The following REC114 variants were observed in gnomAD, a reference collection of about 807,000 sequenced individuals.
The protein encoded by REC114 is REC114 meiotic recombination protein, also known as meiotic recombination protein REC114.
In REC114, 27 loss-of-function variants were observed where a neutral mutation model predicts 31.3. The ratio of observed to expected loss-of-function variants is 0.86; its 90% CI spans 0.64 to 1.19. The LOEUF (loss-of-function observed/expected upper bound fraction) is 1.19. REC114 is among the 50% of genes most tolerant of loss of function. REC114 has a pLI of 0.00. For synonymous variants in REC114, 134 were observed against 127.7 expected (o/e 1.05, Z -0.33); for missense variants, 344 against 326.9 (o/e 1.05, Z -0.40).
intron 2 of REC114, among the ~76,000 whole-genome samples, chr15:73,523,263 A>G (rs1337786111): frequency 2.6e-5 from 4 of 152,116 alleles, no homozygotes. Flanking sequence ...CCCTAGAATC[A>G]CAGCAGATTC....
chr15:73,490,773 A>G (rs146659694), intron 2 of REC114, among the ~76,000 whole-genome samples: 367 of 152,314 alleles, frequency 2.4e-3, no homozygotes, highest in Middle Eastern at 0.017. Context: ...TATATAAACC[A>G]TCACAATCAT....
chr15:73,552,965 C>A (rs1284736000), intron 4 of REC114, among the ~76,000 whole-genome samples: 3 of 152,154 alleles, frequency 2.0e-5, no homozygotes, highest in African/African-American at 7.2e-5. Flanking sequence ...CAGACATCCA[C>A]CACCATGCCC....
chr15:73,546,520 A>T (rs957167510), intron 3 of REC114, among the ~76,000 whole-genome samples: 1 of 152,192 alleles, frequency 6.6e-6, no homozygotes, highest in East Asian at 1.9e-4. Flanking sequence ...GTAATGAGGT[A>T]TACTTCTATT....
At chr15:73,484,997 T>C (rs943816042) in intron 2 of REC114, among the ~76,000 whole-genome samples, 1 of 152,206 alleles carries the variant, frequency 6.6e-6, no homozygotes, top group African/African-American at 2.4e-5. Flanking sequence ...AATTAGTTTT[T>C]AAAAATGTCC....
intron 2 of REC114, among the ~76,000 whole-genome samples, chr15:73,492,987 T>G (rs1399494369): frequency 6.6e-6 from 1 of 151,912 alleles, no homozygotes; most frequent in African/African-American, 2.4e-5. Flanking sequence ...TCTGCCATTT[T>G]TTTTACTCTT....
intron 1 of REC114, among the ~76,000 whole-genome samples, chr15:73,447,243 G>A (rs1212505965): frequency 6.6e-6 from 1 of 152,074 alleles, no homozygotes; most frequent in Non-Finnish European, 1.5e-5. Context: ...TAGGTGGTTG[G>A]GTATATTGGT....
chr15:73,508,423 CT>C (rs200021553), intron 2 of REC114, among the ~76,000 whole-genome samples: 4,861 of 122,078 alleles, frequency 0.04, 79 homozygotes, highest in African/African-American at 0.068. Context: ...AGCACAGTTT[CT>C]TTTTTTTTTT....
intron 1 of REC114, among the ~76,000 whole-genome samples, chr15:73,457,425 C>G (rs1041825521): frequency 4.6e-5 from 7 of 152,148 alleles, no homozygotes; most frequent in African/African-American, 9.7e-5. Flanking sequence ...GTACAGGTCT[C>G]TCTTCTCTGG....
intron 1 of REC114, among the ~76,000 whole-genome samples, chr15:73,463,925 G>A (rs1487538453): frequency 6.6e-6 from 1 of 152,106 alleles, no homozygotes; most frequent in Non-Finnish European, 1.5e-5. Context: ...AATTTAATCA[G>A]GATATGTCTA....
At chr15:73,451,852 C>A (rs1253700076) in intron 1 of REC114, among the ~76,000 whole-genome samples, 1 of 152,166 alleles carries the variant, frequency 6.6e-6, no homozygotes, top group African/African-American at 2.4e-5. Context: ...TAAATGTAAT[C>A]CATCACATAA....
At chr15:73,517,617 G>A (rs993175519) in intron 2 of REC114, among the ~76,000 whole-genome samples, 1 of 152,164 alleles carries the variant, frequency 6.6e-6, no homozygotes, top group Non-Finnish European at 1.5e-5. Flanking sequence ...CTTTAGAGAC[G>A]AGCCAGGCCT....
intron 2 of REC114, among the ~76,000 whole-genome samples, chr15:73,509,303 G>A (rs1893729437): frequency 7.1e-6 from 1 of 140,568 alleles, no homozygotes; most frequent in African/African-American, 3.1e-5. Flanking sequence ...TTTTTTTCTT[G>A]TAAATTTGTT....
At chr15:73,532,494 A>G (rs2141325505) in intron 2 of REC114, among the ~76,000 whole-genome samples, 1 of 151,396 alleles carries the variant, frequency 6.6e-6, no homozygotes, top group South Asian at 2.1e-4. Flanking sequence ...CTTTGGGTAT[A>G]TACCCAGTAA....
intron 2 of REC114, among the ~76,000 whole-genome samples, chr15:73,494,090 T>C (rs757892955): frequency 2.0e-4 from 31 of 152,240 alleles, no homozygotes; most frequent in Non-Finnish European, 4.3e-4. Context: ...GCTCTTGGCA[T>C]CTTTCTTCCA....
chr15:73,529,669 T>A (rs1451997215), intron 2 of REC114, among the ~76,000 whole-genome samples: 2 of 152,162 alleles, frequency 1.3e-5, no homozygotes, highest in East Asian at 3.8e-4. Flanking sequence ...AATAAATCAG[T>A]TATTTCAAAA....
chr15:73,497,213 A>G (rs1041137479), intron 2 of REC114, among the ~76,000 whole-genome samples: 9 of 152,154 alleles, frequency 5.9e-5, no homozygotes, highest in African/African-American at 2.2e-4. Context: ...ACTCTTGTCC[A>G]CTAATTTTAG....
In REC114 at chr15:73,517,322, G is replaced by GA. The variant is rs869226310; in HGVS notation, c.250-23155dup. On this transcript the variant is annotated intron_variant, in intron 2 of 5. Transcript: ENST00000331090. ...ATAAAAAAGGTATCTCTCAAACAAA[G>GA]AAAAAAAATTTTTTTAAAAGGTATC... Among the ~76,000 whole-genome samples the GA allele has an allele frequency of 5.3e-5, 8 of 151,932 alleles. 1 individual carries two copies. The highest frequency in any genetic ancestry group is 3.9e-4 in the Admixed American group (6 of 15,264).
At chr15:73,544,515 T>A (rs922988681) in intron 3 of REC114, among the ~76,000 whole-genome samples, 6 of 152,210 alleles carry the variant, frequency 3.9e-5, no homozygotes, top group African/African-American at 9.6e-5. Context: ...TGCCTACTTA[T>A]AAGGTAGGCT....
chr15:73,449,596 C>G (rs992257990), intron 1 of REC114, among the ~76,000 whole-genome samples: 63 of 152,240 alleles, frequency 4.1e-4, no homozygotes, highest in African/African-American at 1.5e-3. Flanking sequence ...AGGAGAACTT[C>G]CCCAATCTAG....
Sources: gnomAD v4.1 joint callset for allele counts (sites outside exome capture counted in the v4.1 genomes callset) on GRCh38, gnomAD v4.1.1 for gene constraint, MANE v1.5 for transcripts, NCBI Gene and HGNC (gene_info 2026-07-23, HGNC 2026-07-21) for gene names.